REDIC1: variants seen among roughly 807,000 people sequenced by gnomAD.
The protein encoded by REDIC1 is HEI10 Interacting Protein 1.
At chr12:39,717,158 A>G in the REDIC1 span, among the ~76,000 whole-genome samples, 1 of 150,948 alleles carries the variant, frequency 6.6e-6, no homozygotes, top group Non-Finnish European at 1.5e-5. Context: ...ATATATACAC[A>G]CATACACACA....
the REDIC1 span, among the ~76,000 whole-genome samples, chr12:39,767,170 T>C: frequency 0.016 from 2,404 of 152,174 alleles, 59 homozygotes; most frequent in African/African-American, 0.052. Context: ...TTGAAGTGAC[T>C]CCTTGATCCA....
chr12:39,759,640 A>G, the REDIC1 span: 1 of 166,712 alleles, frequency 6.0e-6, no homozygotes, highest in African/African-American at 2.4e-5. Context: ...AGAATCCTTT[A>G]TAAATATATT....
the REDIC1 span, among the ~76,000 whole-genome samples, chr12:39,708,999 G>A: frequency 2.0e-3 from 300 of 151,946 alleles, no homozygotes; most frequent in Middle Eastern, 0.01. Flanking sequence ...GAGAACATAA[G>A]ATGTCCTTTC....
the REDIC1 span, among the ~76,000 whole-genome samples, chr12:39,780,079 A>C: frequency 7.9e-5 from 12 of 152,352 alleles, no homozygotes; most frequent in African/African-American, 2.9e-4. Context: ...TAAATTCCTC[A>C]TTTGATGAAA....
At chr12:39,685,944 C>G in the REDIC1 span, among the ~76,000 whole-genome samples, 1 of 152,234 alleles carries the variant, frequency 6.6e-6, no homozygotes, top group Admixed American at 6.5e-5. Flanking sequence ...TCTTAAAGCT[C>G]CAAAATAATC....
the REDIC1 span, among the ~76,000 whole-genome samples, chr12:39,901,137 T>A: frequency 4.6e-5 from 7 of 152,228 alleles, no homozygotes; most frequent in Admixed American, 3.9e-4. Flanking sequence ...GCTAGCCATA[T>A]GTAGAAAGCT....
the REDIC1 span, among the ~76,000 whole-genome samples, chr12:39,627,515 T>C: frequency 6.6e-6 from 1 of 152,164 alleles, no homozygotes; most frequent in Non-Finnish European, 1.5e-5. Context: ...ATTTTGGGAG[T>C]AATATTTTAG....
At chr12:39,627,093 T>A in the REDIC1 span, among the ~76,000 whole-genome samples, 1 of 152,218 alleles carries the variant, frequency 6.6e-6, no homozygotes. Context: ...TGTAATTTTT[T>A]TGTCACAAGT....
chr12:39,675,753 G>A, the REDIC1 span, among the ~76,000 whole-genome samples: 1 of 152,188 alleles, frequency 6.6e-6, no homozygotes, highest in Non-Finnish European at 1.5e-5. Context: ...ACAGCTGGGA[G>A]ACCTGAAGAT....
the REDIC1 span, among the ~76,000 whole-genome samples, chr12:39,727,537 TG>T: frequency 2.0e-5 from 3 of 152,216 alleles, no homozygotes; most frequent in Admixed American, 2.0e-4. Context: ...AGTACCATGT[TG>T]TTTTGGTTAC....
At chr12:39,778,930 T>C in the REDIC1 span, among the ~76,000 whole-genome samples, 1 of 152,038 alleles carries the variant, frequency 6.6e-6, no homozygotes, top group African/African-American at 2.4e-5. Flanking sequence ...AGGTTAAGAG[T>C]TTAATAATGA....
chr12:39,733,701 T>C, the REDIC1 span, among the ~76,000 whole-genome samples: 21 of 152,310 alleles, frequency 1.4e-4, no homozygotes, highest in Admixed American at 2.6e-4. Flanking sequence ...TTGTTTACAC[T>C]GTGAGGGGAA....
the REDIC1 span, among the ~76,000 whole-genome samples, chr12:39,767,978 G>A: frequency 6.6e-6 from 1 of 152,188 alleles, no homozygotes; most frequent in Non-Finnish European, 1.5e-5. Flanking sequence ...AAACTACCCA[G>A]TCTCAGGCAG....
At chr12:39,885,141 C>T in the REDIC1 span, among the ~76,000 whole-genome samples, 1 of 152,168 alleles carries the variant, frequency 6.6e-6, no homozygotes, top group Non-Finnish European at 1.5e-5. Flanking sequence ...CTGTGCACTG[C>T]AGCTCATGAG....
the REDIC1 span, among the ~76,000 whole-genome samples, chr12:39,783,353 C>T: frequency 1.3e-5 from 2 of 152,166 alleles, no homozygotes; most frequent in African/African-American, 2.4e-5. Context: ...GTCTTTATAG[C>T]AGCATGATTT....
chr12:39,891,987 G>A, the REDIC1 span, among the ~76,000 whole-genome samples: 3 of 151,970 alleles, frequency 2.0e-5, no homozygotes, highest in Non-Finnish European at 4.4e-5. Context: ...TTTTTTACTA[G>A]GTTTAATCAA....
chr12:39,717,580 A>G, the REDIC1 span, among the ~76,000 whole-genome samples: 1 of 151,936 alleles, frequency 6.6e-6, no homozygotes, highest in Non-Finnish European at 1.5e-5. Context: ...AGGAAGTAGA[A>G]TGGTGGGCAG....
the REDIC1 span, among the ~76,000 whole-genome samples, chr12:39,836,704 CAGAG>C: frequency 1.7e-5 from 2 of 119,608 alleles, no homozygotes; most frequent in African/African-American, 6.5e-5. Context: ...AACAGACAAA[CAGAG>C]AGCCAAATCA....
chr12:39,808,289 C>A, the REDIC1 span, among the ~76,000 whole-genome samples: 1 of 152,134 alleles, frequency 6.6e-6, no homozygotes, highest in African/African-American at 2.4e-5. Context: ...TAATTCCTTC[C>A]ATCTATCTGG....
Sources: gnomAD v4.1 joint callset for allele counts (sites outside exome capture counted in the v4.1 genomes callset) on GRCh38, gnomAD v4.1.1 for gene constraint, MANE v1.5 for transcripts, NCBI Gene and HGNC (gene_info 2026-07-23, HGNC 2026-07-21) for gene names.